Variants in FNIP2 observed in about 807,000 individuals in gnomAD.
The protein encoded by FNIP2 is folliculin interacting protein 2, also known as folliculin-interacting protein 2.
Under a neutral mutation model 108.7 loss-of-function variants are expected in FNIP2, and 32 were observed. That is an observed-to-expected ratio of 0.29 (90% CI 0.22 to 0.40). The LOEUF (loss-of-function observed/expected upper bound fraction) is 0.40, where lower values mean the gene tolerates loss of function less well. Among genes scored for constraint, FNIP2 ranks in the 10% least tolerant of loss-of-function variants. FNIP2 has a pLI of 1.00. For synonymous variants in FNIP2, 480 were observed against 496.7 expected (o/e 0.97, Z 0.45); for missense variants, 1,202 against 1,381.6 (o/e 0.87, Z 2.06).
At chr4:158,815,653 C>T (rs969477250) in intron 1 of FNIP2, among the ~76,000 whole-genome samples, 6 of 152,068 alleles carry the variant, frequency 3.9e-5, no homozygotes, top group African/African-American at 9.7e-5. Context: ...TGTGAGCCAC[C>T]GCGCCCGGCC....
chr4:158,875,352 C>T (rs1781209477), intron 14 of FNIP2, among the ~76,000 whole-genome samples: 1 of 151,666 alleles, frequency 6.6e-6, no homozygotes, highest in Non-Finnish European at 1.5e-5. Flanking sequence ...AACAACTATG[C>T]TCCAGGGCTT....
chr4:158,904,283 G>A (rs1180176049), intron 16 of FNIP2, among the ~76,000 whole-genome samples, 183 bp from the exon 17 acceptor site: 3 of 152,036 alleles, frequency 2.0e-5, no homozygotes, highest in Non-Finnish European at 1.5e-5. Flanking sequence ...AGTGTCCACT[G>A]GAATATTTTA....
chr4:158,860,689 G>T (rs531901018), intron 10 of FNIP2, among the ~76,000 whole-genome samples: 323 of 135,994 alleles, frequency 2.4e-3, no homozygotes, highest in African/African-American at 8.1e-3. Flanking sequence ...ACTGAGTCTC[G>T]CTCTGTCACC....
intron 1 of FNIP2, among the ~76,000 whole-genome samples, chr4:158,802,320 G>A (rs1024219300): frequency 2.6e-5 from 4 of 151,878 alleles, no homozygotes; most frequent in African/African-American, 7.3e-5. Context: ...CTCCTGTCCT[G>A]TATTTATTTC....
At chr4:158,901,477 C>T (rs940708476) in intron 16 of FNIP2, among the ~76,000 whole-genome samples, 2 of 152,006 alleles carry the variant, frequency 1.3e-5, no homozygotes, top group African/African-American at 4.8e-5. Flanking sequence ...TGGGGTTGCT[C>T]TTCTCGAGGA....
chr4:158,810,802 C>T (rs1777228087), intron 1 of FNIP2, among the ~76,000 whole-genome samples: 1 of 152,286 alleles, frequency 6.6e-6, no homozygotes, highest in Admixed American at 6.5e-5. Flanking sequence ...GTTAATCCAG[C>T]TCTGGAGTCT....
rs764295574 is a variant in FNIP2, at chr4:158,870,354, G to A, written c.2834G>A (p.Arg945His). The A allele has an allele frequency of 1.2e-5, 19 of 1,613,824 alleles. No individual in the cohort carries two copies. The highest frequency in any genetic ancestry group is 6.7e-5 in the East Asian group (3 of 44,894). Residue 945 changes from arginine (R) to histidine (H), a missense_variant, in exon 14 of 17, where the codon CGC becomes CAC. Physicochemically the swap from Arg to His is conservative, Grantham distance 29 (BLOSUM62 0). Coordinates refer to ENST00000264433, the MANE Select transcript of FNIP2 (RefSeq NM_020840.3). ...ISTQNVRNFG[R>H]SLLAGYCPTY... ...ACCCAGAATGTAAGGAACTTTGGCC[G>A]CTCACTTCTGGCGGGCTACTGCCCC...
intron 7 of FNIP2, among the ~76,000 whole-genome samples, chr4:158,850,617 CAG>C (rs1047110630): frequency 1.1e-4 from 16 of 148,714 alleles, no homozygotes; most frequent in African/African-American, 4.0e-4. Context: ...TCACAGACAA[CAG>C]AGTAGCAGTG....
chr4:158,825,244 A>G (rs1778090907), intron 1 of FNIP2, among the ~76,000 whole-genome samples: 1 of 152,224 alleles, frequency 6.6e-6, no homozygotes, highest in Non-Finnish European at 1.5e-5. Flanking sequence ...TAATTTATTA[A>G]GAATGAACCT....
rs1216636011 is a variant in FNIP2 at position 158,879,067 on chromosome 4, A to C, written c.2949+8598A>C. Among the ~76,000 whole-genome samples, 6 of 150,284 alleles carry C rather than the reference A, an allele frequency of 4.0e-5. 1 individual carries two copies. Among genetic ancestry groups the C allele is most frequent in the African/African-American group, 1.5e-4 (6 of 40,286 alleles). On this transcript the variant is annotated intron_variant, in intron 14 of 16. Coordinates refer to ENST00000264433, the MANE Select transcript of FNIP2 (RefSeq NM_020840.3). ...AGCAAGTAAAAGATGTGGTGGCCAGAGTGAAGAGACTTTATAGCATATGCA... is the reference window on the plus strand; with the variant it reads ...AGCAAGTAAAAGATGTGGTGGCCAGCGTGAAGAGACTTTATAGCATATGCA...
In FNIP2 at chr4:158,809,328, A is replaced by G. The variant is rs148912948; in HGVS notation, c.108-16588A>G. On this transcript the variant is annotated intron_variant, in intron 1 of 16. Transcript: ENST00000264433. ...ACAAAAATTAGCTAGATGTGGTAGC[A>G]GGTACCTGTAATCCCAGCTACTTGG... 6.3e-3 allele frequency among the ~76,000 whole-genome samples: 956 copies of G among 152,270 alleles called. 7 individuals are homozygous for G. The highest frequency in any genetic ancestry group is 0.021 in the African/African-American group (883 of 41,550).
At chr4:158,899,036 A>G (rs1027829134) in intron 16 of FNIP2, among the ~76,000 whole-genome samples, 1 of 152,158 alleles carries the variant, frequency 6.6e-6, no homozygotes, top group African/African-American at 2.4e-5. Context: ...TAGTTTATTG[A>G]GAGTTTATAG....
intron 7 of FNIP2, among the ~76,000 whole-genome samples, chr4:158,848,624 C>T (rs147425509): frequency 6.6e-6 from 1 of 152,252 alleles, no homozygotes; most frequent in African/African-American, 2.4e-5. Context: ...ACCAAATGGA[C>T]TAAATACAGC....
At chr4:158,862,202 C>T (rs1052770851) in intron 12 of FNIP2, among the ~76,000 whole-genome samples, 3 of 152,108 alleles carry the variant, frequency 2.0e-5, no homozygotes, top group African/African-American at 7.2e-5. Flanking sequence ...CACCTCCCGC[C>T]CCAAGTTGTA....
intron 16 of FNIP2, among the ~76,000 whole-genome samples, chr4:158,901,353 G>T (rs13115540): frequency 4.6e-5 from 7 of 152,102 alleles, no homozygotes; most frequent in African/African-American, 1.7e-4. Flanking sequence ...TTTCTGCAGA[G>T]ATCTGCTGTT....
chr4:158,851,881 A>G (rs962984945), intron 8 of FNIP2, among the ~76,000 whole-genome samples: 1 of 152,250 alleles, frequency 6.6e-6, no homozygotes, highest in East Asian at 1.9e-4. Flanking sequence ...AAATTCTTCA[A>G]CTAAACAGAT....
At chr4:158,875,322 C>T (rs188267094) in intron 14 of FNIP2, among the ~76,000 whole-genome samples, 2 of 151,670 alleles carry the variant, frequency 1.3e-5, no homozygotes, top group African/African-American at 4.9e-5. Context: ...ATTAACACTA[C>T]GTTTTGATGT....
chr4:158,891,666 T>C lies in FNIP2; in HGVS notation c.3150+20T>C. The C allele has an allele frequency of 1.3e-6, 2 of 1,576,304 alleles. No individual in the cohort carries two copies. The highest frequency in any genetic ancestry group is 1.7e-6 in the Non-Finnish European group (2 of 1,154,142). On this transcript the variant is annotated intron_variant, in intron 15 of 16. Coordinates refer to ENST00000264433, the MANE Select transcript of FNIP2 (RefSeq NM_020840.3). ...GATTTTGTAAGTACTGGTTCTTATA[T>C]CACCAAAGAAATCTAGTTTTAAAAT...
intron 7 of FNIP2, among the ~76,000 whole-genome samples, chr4:158,842,769 G>C (rs1779198173): frequency 6.6e-6 from 1 of 151,948 alleles, no homozygotes; most frequent in Admixed American, 6.6e-5. Flanking sequence ...TTGAAATCAA[G>C]GTGGTAAGAA....
Sources: allele counts gnomAD v4.1 joint callset (sites outside exome capture counted in the v4.1 genomes callset), GRCh38; gene constraint gnomAD v4.1.1; transcripts MANE v1.5; gene names NCBI Gene and HGNC (gene_info 2026-07-23, HGNC 2026-07-21).